Variants in CREB5 observed in about 807,000 individuals in gnomAD.
CREB5 encodes the protein cAMP responsive element binding protein 5, also known as cyclic AMP-responsive element-binding protein 5.
A neutral mutation model predicts 57.1 loss-of-function variants in CREB5; 19 were observed. The observed-to-expected ratio is 0.33, with a 90% confidence interval of 0.23 to 0.49. The LOEUF is 0.49. Ranked by LOEUF, CREB5 falls within the 20% of genes least tolerant of loss-of-function variation. The pLI, the probability that CREB5 is intolerant of heterozygous loss-of-function variation, is 0.99. For synonymous variants in CREB5, 238 were observed against 238.3 expected (o/e 1.00, Z 0.01); for missense variants, 579 against 671.6 (o/e 0.86, Z 1.52).
rs565946121 is a variant in CREB5, at chr7:28,602,257, G to T, written c.464+31720G>T. On this transcript the variant is annotated intron_variant, in intron 5 of 10. Coordinates refer to ENST00000357727, the MANE Select transcript of CREB5 (RefSeq NM_182898.4). ...TTCTCCTGCCTCAGCTTCCCAAGTA[G>T]CTGGGATTACAGGTGTACACCACCA... 1.5e-4 allele frequency among the ~76,000 whole-genome samples: 23 copies of T among 152,220 alleles called. No homozygotes were observed. In the East Asian group the frequency reaches 2.9e-3, roughly 19 times the overall value.
Position 28,632,571 on chromosome 7 carries a change from A to T in CREB5, c.464+62034A>T, listed in dbSNP as rs1034286184. On this transcript the variant is annotated intron_variant, in intron 5 of 10. Transcript: ENST00000357727. ...TTGTTCACCATCATTAGAAATATCT[A>T]TGGAATGTAAAGAAAACATGTAATG... Among the ~76,000 whole-genome samples, 5 of 152,310 alleles carry T rather than the reference A, an allele frequency of 3.3e-5. No homozygotes were observed. The South Asian group carries it at 1.0e-3, about 32-fold the overall frequency.
intron 5 of CREB5, among the ~76,000 whole-genome samples, chr7:28,693,808 T>C (rs974511874): frequency 1.3e-5 from 2 of 152,256 alleles, no homozygotes; most frequent in Non-Finnish European, 2.9e-5. Flanking sequence ...TATTTAATAA[T>C]GGAGCCAGTT....
chr7:28,604,593 T>C (rs183034554), intron 5 of CREB5, among the ~76,000 whole-genome samples: 171 of 151,626 alleles, frequency 1.1e-3, no homozygotes, highest in African/African-American at 3.9e-3. Flanking sequence ...AATAGATAAT[T>C]TCTCAGTAAA....
intron 5 of CREB5, among the ~76,000 whole-genome samples, chr7:28,583,499 T>G (rs1448049251): frequency 1.3e-5 from 2 of 152,104 alleles, no homozygotes; most frequent in Admixed American, 1.3e-4. Flanking sequence ...TTTCAATCTC[T>G]CAGGAAAGGG....
intron 5 of CREB5, among the ~76,000 whole-genome samples, chr7:28,614,324 TG>T (rs1797517830): frequency 6.6e-6 from 1 of 152,248 alleles, no homozygotes; most frequent in Non-Finnish European, 1.5e-5. Context: ...TTTGATCTTT[TG>T]GTTATGGGAT....
Position 28,721,127 on chromosome 7 carries a change from T to TG in CREB5, c.591+2253dup, listed in dbSNP as rs540856728. Among the ~76,000 whole-genome samples, 55 of 152,260 alleles carry TG rather than the reference T, an allele frequency of 3.6e-4. No individual in the cohort carries two copies. In the East Asian group the frequency reaches 9.7e-3, roughly 27 times the overall value. On this transcript the variant is annotated intron_variant, in intron 6 of 10. Coordinates refer to ENST00000357727, the MANE Select transcript of CREB5 (RefSeq NM_182898.4). ...TCAGTTTAGAGCAGCGATGCTCACCTGGGGGTGATTTTGTCCCCCGGGGGA... is the reference window on the plus strand; with the variant it reads ...TCAGTTTAGAGCAGCGATGCTCACCTGGGGGGTGATTTTGTCCCCCGGGGGA...
intron 5 of CREB5, among the ~76,000 whole-genome samples, chr7:28,645,467 G>C (rs1798856219): frequency 1.3e-5 from 2 of 152,192 alleles, no homozygotes; most frequent in East Asian, 3.8e-4. Context: ...GGGTGATTTT[G>C]CTGATCCCAG....
chr7:28,782,838 A>T (rs371567503), intron 7 of CREB5, among the ~76,000 whole-genome samples: 2 of 152,190 alleles, frequency 1.3e-5, no homozygotes, highest in Admixed American at 1.3e-4. Flanking sequence ...AGGCTCTTTG[A>T]TAAGTTGTGC....
intron 1 of CREB5, among the ~76,000 whole-genome samples, chr7:28,363,638 A>G (rs1228767515): frequency 1.3e-5 from 2 of 151,736 alleles, no homozygotes; most frequent in Admixed American, 6.6e-5. Context: ...GAACTACATC[A>G]TACTCATTTT....
chr7:28,533,272 G>A (rs2128623092), intron 4 of CREB5, among the ~76,000 whole-genome samples: 1 of 152,258 alleles, frequency 6.6e-6, no homozygotes, highest in Middle Eastern at 3.4e-3. Context: ...AACGAAGCAA[G>A]ACCAGACTTT....
intron 1 of CREB5, among the ~76,000 whole-genome samples, chr7:28,444,140 T>C (rs1313818474): frequency 9.9e-5 from 15 of 152,244 alleles, no homozygotes; most frequent in Non-Finnish European, 1.9e-4. Context: ...TATGCTTGTA[T>C]AAAAGTGCAA....
At chr7:28,316,412 G>A (rs1320523819) in intron 1 of CREB5, among the ~76,000 whole-genome samples, 1 of 152,150 alleles carries the variant, frequency 6.6e-6, no homozygotes, top group Non-Finnish European at 1.5e-5. Flanking sequence ...GGATGTGTCA[G>A]TAATAAATAG....
At chr7:28,448,795 G>A (rs1789632777) in intron 1 of CREB5, among the ~76,000 whole-genome samples, 1 of 152,230 alleles carries the variant, frequency 6.6e-6, no homozygotes, top group Admixed American at 6.5e-5. Context: ...GGGCCAGGCA[G>A]TGTTAGAGAT....
chr7:28,525,640 A>T (rs938573813), intron 4 of CREB5, among the ~76,000 whole-genome samples: 1 of 152,182 alleles, frequency 6.6e-6, no homozygotes. Flanking sequence ...TCTCATTGGC[A>T]TGCAGTAAGG....
intron 4 of CREB5, among the ~76,000 whole-genome samples, chr7:28,560,901 C>CGCGT: frequency 4.6e-5 from 1 of 21,664 alleles, no homozygotes; most frequent in East Asian, 2.9e-3. Context: ...TGTGTGCGTG[C>CGCGT]GCGCGTGCGT....
At chr7:28,716,924 G>A (rs1341217270) in intron 5 of CREB5, among the ~76,000 whole-genome samples, 1 of 152,106 alleles carries the variant, frequency 6.6e-6, no homozygotes, top group Non-Finnish European at 1.5e-5. Context: ...TACATGTCAA[G>A]AAATACCCAT....
intron 1 of CREB5, among the ~76,000 whole-genome samples, chr7:28,438,303 A>G (rs991886261): frequency 6.6e-6 from 1 of 152,112 alleles, no homozygotes; most frequent in Non-Finnish European, 1.5e-5. Flanking sequence ...AATATGTTGC[A>G]TACTCCAAAA....
chr7:28,321,759 A>T (rs753943981), intron 1 of CREB5, among the ~76,000 whole-genome samples: 4 of 152,164 alleles, frequency 2.6e-5, no homozygotes, highest in Non-Finnish European at 5.9e-5. Flanking sequence ...GTTCCACTGG[A>T]CTTCACTTAG....
chr7:28,356,034 A>G (rs981131104), intron 1 of CREB5, among the ~76,000 whole-genome samples: 1 of 152,254 alleles, frequency 6.6e-6, no homozygotes, highest in African/African-American at 2.4e-5. Flanking sequence ...ATTACGGGTA[A>G]GAGCTTTGTA....
Sources: gnomAD v4.1 joint callset for allele counts (sites outside exome capture counted in the v4.1 genomes callset) on GRCh38, gnomAD v4.1.1 for gene constraint, MANE v1.5 for transcripts, NCBI Gene and HGNC (gene_info 2026-07-23, HGNC 2026-07-21) for gene names.